Variants in CLASP2 observed in about 807,000 individuals in gnomAD.
CLASP2 encodes cytoplasmic linker associated protein 2.
In CLASP2, 47 loss-of-function variants were observed where a neutral mutation model predicts 194.4. That is an observed-to-expected ratio of 0.24 (90% CI 0.19 to 0.31). The LOEUF (loss-of-function observed/expected upper bound fraction) is 0.31, where lower values mean the gene tolerates loss of function less well. Among genes scored for constraint, CLASP2 ranks in the 10% least tolerant of loss-of-function variants. The pLI, the probability that CLASP2 is intolerant of heterozygous loss-of-function variation, is 1.00. For missense variants in CLASP2, 1,445 were observed against 1,823.6 expected, an observed-to-expected ratio of 0.79 and a Z score of 3.78; for synonymous variants, 619 against 633.5, an observed-to-expected ratio of 0.98 and a Z score of 0.34.
At chr3:33,574,357 T>C (rs2064382650) in intron 24 of CLASP2, 4 of 625,398 alleles carry the variant, frequency 6.4e-6, no homozygotes, top group Non-Finnish European at 1.1e-5. Flanking sequence ...AATAGATGTA[T>C]GTCTAAGGAT....
chr3:33,514,734 G>A (rs2050801062), intron 36 of CLASP2: 1 of 280,194 alleles, frequency 3.6e-6, no homozygotes, highest in Admixed American at 4.1e-5. Flanking sequence ...GGTGTTTATA[G>A]CAGCACAATT....
intron 7 of CLASP2, among the ~76,000 whole-genome samples, chr3:33,658,790 G>GA (rs2084760865): frequency 6.6e-6 from 1 of 151,944 alleles, no homozygotes. Flanking sequence ...CACATCAAGT[G>GA]AAAAAAGATG....
At chr3:33,520,820 TAC>T (rs57151303) in intron 34 of CLASP2, among the ~76,000 whole-genome samples, 35,740 of 142,132 alleles carry the variant, frequency 0.25, 4,361 homozygotes, top group Non-Finnish European at 0.27. Context: ...TGTAAATCTC[TAC>T]ACACACACAC....
At chr3:33,571,927 C>T (rs1167659944) in intron 25 of CLASP2, among the ~76,000 whole-genome samples, 1 of 152,152 alleles carries the variant, frequency 6.6e-6, no homozygotes, top group African/African-American at 2.4e-5. Flanking sequence ...TCTGTTGTAA[C>T]CCACACTATC....
intron 6 of CLASP2, 119 bp from the exon 7 acceptor site, chr3:33,663,634 A>G: frequency 1.5e-6 from 1 of 664,184 alleles, no homozygotes; most frequent in Non-Finnish European, 2.6e-6. Flanking sequence ...CTAGTTTTCT[A>G]TACAACTCTC....
chr3:33,512,982 C>T lies in CLASP2; in HGVS notation c.4111-2218G>A, dbSNP rs1006157840. On this transcript the variant is annotated intron_variant, in intron 36 of 38. Coordinates refer to ENST00000682230, the MANE Select transcript of CLASP2 (RefSeq NM_001365631.1). ...CTCCAGCCAGGGCGACAGAGTGAGA[C>T]TCCGTCTAAAAACCAACCAACCAAC... Among the ~76,000 whole-genome samples the T allele has an allele frequency of 2.6e-5, 4 of 152,138 alleles. No individual in the cohort carries two copies. In the East Asian group the frequency reaches 7.7e-4, roughly 29 times the overall value.
chr3:33,683,228 AATAT>A, intron 6 of CLASP2: 1 of 152,360 alleles, frequency 6.6e-6, no homozygotes, highest in African/African-American at 2.4e-5. Context: ...ATAATAAATG[AATAT>A]ATAATGAAAC....
chr3:33,577,506 A>C (rs2065147600), intron 23 of CLASP2, among the ~76,000 whole-genome samples: 1 of 152,184 alleles, frequency 6.6e-6, no homozygotes. Context: ...ATTCAAATGG[A>C]AGGAAATGTT....
chr3:33,717,419 A>G (rs1356488378), intron 1 of CLASP2, among the ~76,000 whole-genome samples: 12 of 151,538 alleles, frequency 7.9e-5, no homozygotes, highest in Admixed American at 7.9e-4. Context: ...TGTTTCCCCT[A>G]TTTTTATTTA....
At chr3:33,545,303 T>C (rs1032246819) in intron 30 of CLASP2, among the ~76,000 whole-genome samples, 3 of 152,202 alleles carry the variant, frequency 2.0e-5, no homozygotes, top group African/African-American at 7.2e-5. Flanking sequence ...GTTATACAAT[T>C]CTTCTCCGCT....
At chr3:33,649,286 A>AT (rs952393680) in intron 7 of CLASP2, among the ~76,000 whole-genome samples, 12 of 152,070 alleles carry the variant, frequency 7.9e-5, no homozygotes, top group African/African-American at 2.9e-4. Flanking sequence ...TGCCTGTGTT[A>AT]TTTTTTCCTA....
rs147650797 is a variant in CLASP2, at chr3:33,682,089, C to A, written c.644+2270G>T. On this transcript the variant is annotated intron_variant, in intron 6 of 38. Transcript: ENST00000682230. ...TGCTGGCACGGTGCTTCTTGTATAG[C>A]CCCTGAATCATGAGCCAAATAAACG... Among the ~76,000 whole-genome samples the A allele has an allele frequency of 2.6e-5, 4 of 152,250 alleles. No individual in the cohort carries two copies. In the East Asian group the frequency reaches 5.8e-4, roughly 22 times the overall value.
chr3:33,595,123 T>C (rs1189466817), intron 19 of CLASP2, among the ~76,000 whole-genome samples, 155 bp from the exon 20 acceptor site: 1 of 152,230 alleles, frequency 6.6e-6, no homozygotes, highest in African/African-American at 2.4e-5. Context: ...GGAAGGTTCA[T>C]TTTGAGAAAA....
At chr3:33,555,647 C>T (rs955864143) in intron 29 of CLASP2, among the ~76,000 whole-genome samples, 2 of 152,190 alleles carry the variant, frequency 1.3e-5, no homozygotes, top group African/African-American at 4.8e-5. Context: ...GGATTACAGG[C>T]ATAAGCCACC....
At chr3:33,660,120 C>T (rs1211920934) in intron 7 of CLASP2, among the ~76,000 whole-genome samples, 2 of 152,108 alleles carry the variant, frequency 1.3e-5, no homozygotes, top group Admixed American at 1.3e-4. Flanking sequence ...GTTTTTTTCA[C>T]AGTGAAAGAG....
In CLASP2 at chr3:33,687,783, A is replaced by T. The variant is rs146464068; in HGVS notation, c.470+494T>A. Among the ~76,000 whole-genome samples the T allele has an allele frequency of 3.2e-4, 49 of 152,330 alleles. No homozygotes were observed. In the East Asian group the frequency reaches 7.7e-3, roughly 24 times the overall value. On this transcript the variant is annotated intron_variant, in intron 4 of 38. Transcript: ENST00000682230. ...AAGTCCTAGCATTTTTTCAGATCAG[A>T]GTCATAGTTCTGTGGCAACTACGGC...
chr3:33,551,052 C>T (rs1481320398), intron 30 of CLASP2, among the ~76,000 whole-genome samples, 200 bp downstream of exon 30: 1 of 152,156 alleles, frequency 6.6e-6, no homozygotes, highest in Non-Finnish European at 1.5e-5. Context: ...GTAAAGGCAG[C>T]TACTTTTGAT....
At chr3:33,552,491 T>C (rs950044943) in intron 29 of CLASP2, among the ~76,000 whole-genome samples, 2 of 152,218 alleles carry the variant, frequency 1.3e-5, no homozygotes, top group African/African-American at 4.8e-5. Flanking sequence ...GTGGAATGGT[T>C]ATAATTGAGC....
chr3:33,650,904 G>C (rs2083065426), intron 7 of CLASP2, among the ~76,000 whole-genome samples: 3 of 152,082 alleles, frequency 2.0e-5, no homozygotes, highest in African/African-American at 7.2e-5. Context: ...AGACACTATA[G>C]GCCCACAATG....
Sources: allele counts gnomAD v4.1 joint callset (sites outside exome capture counted in the v4.1 genomes callset), GRCh38; gene constraint gnomAD v4.1.1; transcripts MANE v1.5; gene names NCBI Gene and HGNC (gene_info 2026-07-23, HGNC 2026-07-21).